The following FAM13C variants were observed in gnomAD, a reference collection of about 807,000 sequenced individuals.
The protein encoded by FAM13C is protein FAM13C.
FAM13C carries 37 observed loss-of-function variants against 73.2 expected under a neutral mutation model. The ratio of observed to expected loss-of-function variants is 0.51; its 90% CI spans 0.39 to 0.67. FAM13C has a LOEUF of 0.67. Ranked by LOEUF, FAM13C falls within the 30% of genes least tolerant of loss-of-function variation. The pLI is 0.00. For synonymous variants in FAM13C, 246 were observed against 260.9 expected, an observed-to-expected ratio of 0.94 and a Z score of 0.55; for missense variants, 589 against 715.6, an observed-to-expected ratio of 0.82 and a Z score of 2.02.
intron 4 of FAM13C, among the ~76,000 whole-genome samples, chr10:59,315,948 T>C (rs984212570): frequency 2.6e-5 from 4 of 152,158 alleles, no homozygotes; most frequent in Admixed American, 2.6e-4. Flanking sequence ...TTTTTTTCTT[T>C]TAACAAGGTC....
At position 59,283,449 on chromosome 10, in the gene FAM13C, T is replaced by C; in HGVS notation, c.508-2A>G. 2 of 1,614,196 alleles carry C rather than the reference T, an allele frequency of 1.2e-6. No individual in the cohort carries two copies. The highest frequency in any genetic ancestry group is 1.7e-6 in the Non-Finnish European group (2 of 1,180,016). Reference sequence around the variant, plus strand: ...TCCATGCACCTGAGCAGCTTCTTCCTGGTTTGTTAAAAATGCAGAGCACAG... The same window carrying C: ...TCCATGCACCTGAGCAGCTTCTTCCCGGTTTGTTAAAAATGCAGAGCACAG... On this transcript the variant is annotated splice_acceptor_variant, in intron 5 of 13. Transcript: ENST00000618804. LOFTEE classifies it high-confidence loss of function.
chr10:59,325,584 G>C (rs1295691443), intron 3 of FAM13C, among the ~76,000 whole-genome samples: 1 of 152,036 alleles, frequency 6.6e-6, no homozygotes, highest in Non-Finnish European at 1.5e-5. Context: ...TCACACAATG[G>C]TTTTCACGTG....
chr10:59,251,763 G>T, intron 12 of FAM13C, 87 bp from the exon 13 acceptor site: 1 of 1,002,664 alleles, frequency 1.0e-6, no homozygotes. Context: ...AGCCAAAAAA[G>T]CATCTATGAT....
chr10:59,291,676 A>G (rs1846235076), intron 5 of FAM13C, among the ~76,000 whole-genome samples: 1 of 152,126 alleles, frequency 6.6e-6, no homozygotes, highest in Non-Finnish European at 1.5e-5. Context: ...GGAAAGGGGA[A>G]TCCTATACTT....
chr10:59,350,072 A>G (rs1408131462), intron 3 of FAM13C, among the ~76,000 whole-genome samples: 1 of 152,184 alleles, frequency 6.6e-6, no homozygotes, highest in Non-Finnish European at 1.5e-5. Context: ...TTTATCCCCA[A>G]TATAATTGGA....
intron 3 of FAM13C, among the ~76,000 whole-genome samples, chr10:59,332,017 T>C (rs1852059894): frequency 6.6e-6 from 1 of 152,114 alleles, no homozygotes; most frequent in African/African-American, 2.4e-5. Flanking sequence ...TGGCAATACA[T>C]ATTTGAGAAT....
upstream of FAM13C, chr10:59,362,586 T>C: frequency 6.6e-7 from 1 of 1,522,092 alleles, no homozygotes; most frequent in Non-Finnish European, 8.8e-7. Context: ...CTTGGGCTGC[T>C]GTCTGCACAT....
At chr10:59,296,415 G>GT (rs1331217143) in intron 5 of FAM13C, among the ~76,000 whole-genome samples, 2 of 152,184 alleles carry the variant, frequency 1.3e-5, no homozygotes, top group Non-Finnish European at 2.9e-5. Flanking sequence ...TGAGGCTAAA[G>GT]TTTAGTTATT....
chr10:59,341,782 T>C (rs1853557785), intron 3 of FAM13C, among the ~76,000 whole-genome samples: 1 of 152,078 alleles, frequency 6.6e-6, no homozygotes, highest in Non-Finnish European at 1.5e-5. Flanking sequence ...AAAATAAAAA[T>C]GATTAATAAC....
At chr10:59,351,760 G>A (rs532973027) in intron 3 of FAM13C, among the ~76,000 whole-genome samples, 66 of 152,250 alleles carry the variant, frequency 4.3e-4, no homozygotes, top group African/African-American at 1.6e-3. Context: ...TTGGGAGGCC[G>A]AGGCGGGTGG....
rs568941513 is a variant in FAM13C at position 59,295,691 on chromosome 10, C to T, written c.507+7110G>A. 2.6e-5 allele frequency among the ~76,000 whole-genome samples: 4 copies of T among 152,308 alleles called. No individual in the cohort carries two copies. The South Asian group carries it at 8.3e-4, about 32-fold the overall frequency. ...TAAATAAATGTTTAAAGCCACTAAG[C>T]TCTTGGTAATTTATTACCCATTAAT... On this transcript the variant is annotated intron_variant, in intron 5 of 13. Transcript: ENST00000618804.
intron 3 of FAM13C, among the ~76,000 whole-genome samples, chr10:59,325,742 A>G (rs1173196625): frequency 1.3e-5 from 2 of 152,166 alleles, no homozygotes. Context: ...GCAGATATGA[A>G]CTACTACTGA....
At position 59,254,401 on chromosome 10, in the gene FAM13C, G is replaced by A. The variant is rs1199158383; in HGVS notation, c.1279C>T (p.Arg427Ter). The A allele has an allele frequency of 1.2e-5, 19 of 1,560,846 alleles. No homozygotes were observed. The highest frequency in any genetic ancestry group is 1.6e-5 in the Non-Finnish European group (18 of 1,152,354). ...AAGATTTGCTTGATAATTCTGTATC[G>A]GTCATAAAGCGGCTTTATGAGGTTC... Reference protein sequence around the residue: ...DKNLIKPLYDRYRIIKQILST... With the variant: ...DKNLIKPLYD The change falls in exon 11 of 14, where the codon CGA becomes TGA. Residue 427 changes from arginine (R) to a stop codon, truncating the protein, a stop_gained. Coordinates refer to ENST00000618804, the MANE Select transcript of FAM13C (RefSeq NM_198215.4). LOFTEE classifies it high-confidence loss of function.
chr10:59,278,750 T>A (rs1305378512), intron 6 of FAM13C, among the ~76,000 whole-genome samples: 2 of 151,570 alleles, frequency 1.3e-5, no homozygotes, highest in African/African-American at 4.8e-5. Flanking sequence ...AGTAGCCATT[T>A]TTCAGTTAAA....
At chr10:59,269,046 T>G (rs1354579879) in intron 7 of FAM13C, among the ~76,000 whole-genome samples, 2 of 152,088 alleles carry the variant, frequency 1.3e-5, no homozygotes, top group African/African-American at 4.8e-5. Flanking sequence ...CAAGGAAGAT[T>G]TAGATGAGTG....
chr10:59,337,140 T>G (rs528762497), intron 3 of FAM13C, among the ~76,000 whole-genome samples: 4 of 152,376 alleles, frequency 2.6e-5, no homozygotes, highest in Admixed American at 2.6e-4. Flanking sequence ...GCACTTTATT[T>G]GTAATTCTAT....
intron 3 of FAM13C, chr10:59,327,575 C>CCCCCCCA (rs1554834266): frequency 2.1e-5 from 3 of 142,426 alleles, no homozygotes; most frequent in Non-Finnish European, 3.0e-5. Flanking sequence ...ACCCCCCCAC[C>CCCCCCCA]AAAAAAGGTG....
At chr10:59,354,035 C>A (rs1855399074) in intron 2 of FAM13C, among the ~76,000 whole-genome samples, 1 of 152,108 alleles carries the variant, frequency 6.6e-6, no homozygotes, top group African/African-American at 2.4e-5. Context: ...ACTCCATGAT[C>A]CTGCATGAGA....
chr10:59,324,984 T>G (rs1392633995), intron 3 of FAM13C, among the ~76,000 whole-genome samples: 1 of 152,164 alleles, frequency 6.6e-6, no homozygotes, highest in Non-Finnish European at 1.5e-5. Flanking sequence ...TATCCAACAG[T>G]TCCACTACTA....
Sources: allele counts gnomAD v4.1 joint callset (sites outside exome capture counted in the v4.1 genomes callset), GRCh38; gene constraint gnomAD v4.1.1; transcripts MANE v1.5; gene names NCBI Gene and HGNC (gene_info 2026-07-23, HGNC 2026-07-21).